LRRK1: variants seen among roughly 807,000 people sequenced by gnomAD.
The protein encoded by LRRK1 is leucine rich repeat kinase 1.
In LRRK1, 113 loss-of-function variants were observed where a neutral mutation model predicts 209.1. That is an observed-to-expected ratio of 0.54 (90% CI 0.46 to 0.63). The LOEUF (loss-of-function observed/expected upper bound fraction) is 0.63. Among genes scored for constraint, LRRK1 ranks in the 30% least tolerant of loss-of-function variants. LRRK1 has a pLI of 0.00. For missense variants in LRRK1, 2,284 were observed against 2,632.2 expected, an observed-to-expected ratio of 0.87 and a Z score of 2.89; for synonymous variants, 1,144 against 1,099.7, an observed-to-expected ratio of 1.04 and a Z score of -0.80.
rs375373859 is a variant in LRRK1 at position 101,051,913 on chromosome 15, G to T, written c.3642G>T (p.Pro1214=). 1 of 1,613,948 alleles carries T rather than the reference G, an allele frequency of 6.2e-7. No individual in the cohort carries two copies. The change falls in exon 24 of 34, where the codon CCG becomes CCT. Residue 1214 remains proline, a synonymous_variant. Coordinates refer to ENST00000388948, the MANE Select transcript of LRRK1 (RefSeq NM_024652.6). ...SCPRHPDLPV[P]LQELVPELFM... is the part of the protein sequence containing the mutation. ...CCAGACACCCGGACCTCCCCGTGCC[G>T]CTGCAGGAGCTGGTCCCTGAACTGT...
Position 101,010,540 on chromosome 15 carries a change from A to T in LRRK1, c.1080A>T (p.Ser360=). The T allele has an allele frequency of 6.2e-7, 1 of 1,612,520 alleles. No individual in the cohort carries two copies. Among genetic ancestry groups the T allele is most frequent in the East Asian group, 2.2e-5 (1 of 44,880 alleles). ...CAAAACTTCAAAAACTGACAGCTTC[A>T]AAAAATTGTTTAGAAAAATTGTTCG... ...HLSKLQKLTA[S]KNCLEKLFEE... is the part of the protein sequence containing the mutation. The change falls in exon 8 of 34, where the codon TCA becomes TCT. Residue 360 remains serine (S), a synonymous_variant. Coordinates refer to ENST00000388948, the MANE Select transcript of LRRK1 (RefSeq NM_024652.6).
chr15:101,054,881 C>G (rs1374397038), intron 26 of LRRK1, 65 bp from the exon 27 acceptor site: 1 of 1,329,330 alleles, frequency 7.5e-7, no homozygotes. Flanking sequence ...CAGTTGTTAT[C>G]ATGATAATTT....
chr15:101,013,852 G>A (rs4965760), intron 10 of LRRK1, among the ~76,000 whole-genome samples: 39,545 of 151,744 alleles, frequency 0.26, 5,274 homozygotes, highest in Middle Eastern at 0.37. Context: ...TGGTGGCACT[G>A]CCACCCCGTC....
chr15:100,982,001 C>G (rs1050177334), intron 3 of LRRK1, among the ~76,000 whole-genome samples: 2 of 152,332 alleles, frequency 1.3e-5, no homozygotes, highest in East Asian at 1.9e-4. Context: ...CTGGCATCCT[C>G]AGTGCCCAGT....
chr15:101,065,968 A>C lies in LRRK1; in HGVS notation c.5531A>C (p.Tyr1844Ser). 1.2e-6 allele frequency: 2 copies of C among 1,613,404 alleles called. No individual in the cohort carries two copies. The highest frequency in any genetic ancestry group is 1.7e-6 in the Non-Finnish European group (2 of 1,179,814). ...ACTGACTACTGCTCCATGTCCTCCT[A>C]CTCCTCATCCCCACCCCGCCAGGCT... ...SLTDYCSMSSYSSSPPRQAAR... is the reference protein window; with the variant it reads ...SLTDYCSMSSSSSSPPRQAAR... The change falls in exon 32 of 34, where the codon TAC (tyrosine) becomes TCC (serine). Residue 1844 changes from tyrosine (Y) to serine (S), a missense_variant. By Grantham distance (144) the Tyr-to-Ser change is moderately radical. Around this residue, in one of 6 missense-constraint regions of LRRK1, gnomAD observed 643 missense variants for 695.9 expected, o/e 0.92. Transcript: ENST00000388948.
Position 101,027,629 on chromosome 15 carries a change from GT to G in LRRK1, c.2527-8del. 1 of 1,610,256 alleles carries G rather than the reference GT, an allele frequency of 6.2e-7. No individual in the cohort carries two copies. The highest frequency in any genetic ancestry group is 8.5e-7 in the Non-Finnish European group (1 of 1,178,940). Reference sequence around the variant, plus strand: ...CTGAGAGACCCTGCCTCGCCCAACTGTCCCCCAGATCCCCAGGAGCTACCTG... The same window carrying G: ...CTGAGAGACCCTGCCTCGCCCAACTGCCCCCAGATCCCCAGGAGCTACCTG... On this transcript the variant is annotated splice_polypyrimidine_tract_variant and splice_region_variant and intron_variant, in intron 18 of 33. Transcript: ENST00000388948. The surrounding 1 kb of genome is among the most constrained non-coding windows in gnomAD (Gnocchi z 5.1).
intron 21 of LRRK1, among the ~76,000 whole-genome samples, chr15:101,047,766 C>G (rs1050391034): frequency 1.3e-5 from 2 of 152,210 alleles, no homozygotes; most frequent in African/African-American, 4.8e-5. Context: ...AGCGATTCCT[C>G]GGGATACATC....
intron 2 of LRRK1, among the ~76,000 whole-genome samples, chr15:100,972,333 TATGAGAGAGAGAGA>T (rs761132077): frequency 2.5e-5 from 3 of 121,556 alleles, no homozygotes; most frequent in Non-Finnish European, 5.1e-5. Flanking sequence ...TATATATATA[TATGAGAGAGAGAGA>T]GAGAGAGAGA....
Position 101,015,309 on chromosome 15 carries a change from CTT to C in LRRK1, c.1533-13_1533-12del, listed in dbSNP as rs370649660. On this transcript the variant is annotated splice_polypyrimidine_tract_variant and intron_variant, in intron 11 of 33. Transcript: ENST00000388948. ...GTCGTGCTGTCCTCAAATTTTGTCT[CTT>C]TTTCCTCCCCCCAGAAATGAAGATG... The C allele has an allele frequency of 1.2e-5, 19 of 1,610,406 alleles. No homozygotes were observed. Among genetic ancestry groups the C allele is most frequent in the African/African-American group, 1.1e-4 (8 of 74,850 alleles).
chr15:100,938,460 C>A (rs2042343198), intron 2 of LRRK1, among the ~76,000 whole-genome samples: 1 of 152,084 alleles, frequency 6.6e-6, no homozygotes. Flanking sequence ...ACTCTTCTAG[C>A]TTTTTGAAAA....
chr15:100,962,127 T>C (rs929282304), intron 2 of LRRK1, among the ~76,000 whole-genome samples: 6 of 152,000 alleles, frequency 3.9e-5, no homozygotes, highest in African/African-American at 1.4e-4. Flanking sequence ...GAAACACAGT[T>C]AACATTTTGC....
intron 20 of LRRK1, among the ~76,000 whole-genome samples, chr15:101,036,530 A>AT (rs908838590): frequency 2.6e-5 from 4 of 151,518 alleles, no homozygotes; most frequent in South Asian, 2.1e-4. Context: ...ATTTCTTTGT[A>AT]TTTTTTTTAG....
At chr15:101,066,790 C>T in intron 33 of LRRK1, 49 bp downstream of exon 33, 1 of 1,449,048 alleles carries the variant, frequency 6.9e-7, no homozygotes, top group Non-Finnish European at 9.7e-7. Context: ...AGCATGAGCA[C>T]AGAAGGCCCT....
chr15:101,031,001 C>T (rs1048205738), intron 20 of LRRK1, among the ~76,000 whole-genome samples: 3 of 152,154 alleles, frequency 2.0e-5, no homozygotes, highest in Admixed American at 6.5e-5. Flanking sequence ...TGAGAACATA[C>T]GATGTTGGGT....
Position 101,062,479 on chromosome 15 carries a change from A to AT in LRRK1, c.4798-94dup, listed in dbSNP as rs2036243506. 3 of 851,906 alleles carry AT rather than the reference A, an allele frequency of 3.5e-6. No homozygotes were observed. In the South Asian group the frequency reaches 4.1e-5, roughly 12 times the overall value. 52.8% of individuals were successfully genotyped at this position (851,906 alleles called of 1,614,324 possible). ...TGTAACTTTCCAAGACCCATAGGGG[A>AT]TCCCCAAGTCCAAGTGCATCCTCAT... On this transcript the variant is annotated intron_variant, in intron 30 of 33. Transcript: ENST00000388948.
chr15:101,027,880 A>G lies in LRRK1; in HGVS notation c.2686+83A>G. ...TGCTAACTTCAGCTTGGCCTCAGTA[A>G]TGAATGAGAGACCGACACCCAGCCT... is the stretch of plus-strand genomic sequence containing the variant. On this transcript the variant is annotated intron_variant, in intron 19 of 33. Transcript: ENST00000388948. This position sits in a 1 kb window ranked among gnomAD's most constrained non-coding sequence, Gnocchi z 5.1. The G allele has an allele frequency of 3.1e-6, 4 of 1,308,580 alleles. No individual in the cohort carries two copies. Among genetic ancestry groups the G allele is most frequent in the Middle Eastern group, 1.9e-4 (1 of 5,280 alleles). The allele number at this position is 1,308,580 out of a possible 1,614,324, so 81.1% of individuals were successfully genotyped here. A position where few individuals can be genotyped will look rare whatever the true frequency, so the allele number is the denominator to read the frequency against.
Position 100,983,728 on chromosome 15 carries a change from G to A in LRRK1, c.433+29G>A, listed in dbSNP as rs199918805. On this transcript the variant is annotated intron_variant, in intron 4 of 33. Transcript: ENST00000388948. ...AATCACAGGGCATGAGCTCTTAACCGTGTCTCAGGGCACCCTCTTCTTAGG... is the reference window on the plus strand; with the variant it reads ...AATCACAGGGCATGAGCTCTTAACCATGTCTCAGGGCACCCTCTTCTTAGG... 1,480 of 1,602,550 alleles carry A rather than the reference G, an allele frequency of 9.2e-4. 3 individuals are homozygous for A. Among genetic ancestry groups the A allele is most frequent in the Non-Finnish European group, 1.1e-3 (1,335 of 1,170,040 alleles).
chr15:101,053,145 G>C, intron 25 of LRRK1, 57 bp downstream of exon 25: 1 of 1,590,364 alleles, frequency 6.3e-7, no homozygotes, highest in Non-Finnish European at 8.6e-7. Flanking sequence ...CCGGGTCTAA[G>C]CTCTGTGCGG....
chr15:100,982,864 C>T (rs2031679732), intron 3 of LRRK1, among the ~76,000 whole-genome samples: 1 of 152,220 alleles, frequency 6.6e-6, no homozygotes, highest in Admixed American at 6.5e-5. Flanking sequence ...CAAATGCGAG[C>T]CACATGTATA....
Sources: gnomAD v4.1 joint callset for allele counts (sites outside exome capture counted in the v4.1 genomes callset) on GRCh38, gnomAD v4.1.1 for gene constraint, gnomAD v4.1.1 regional missense constraint, Gnocchi (gnomAD v3.1) non-coding constraint, MANE v1.5 for transcripts, NCBI Gene and HGNC (gene_info 2026-07-23, HGNC 2026-07-21) for gene names.